PIK3R1: variants seen among roughly 807,000 people sequenced by gnomAD.
PIK3R1 encodes phosphatidylinositol 3-kinase regulatory subunit alpha.
A neutral mutation model predicts 98.0 loss-of-function variants in PIK3R1; 29 were observed. That is an observed-to-expected ratio of 0.30 (90% CI 0.22 to 0.40). PIK3R1 has a LOEUF of 0.40. Ranked by LOEUF, PIK3R1 falls within the 10% of genes least tolerant of loss-of-function variation. PIK3R1 has a pLI of 1.00. For synonymous variants in PIK3R1, 282 were observed against 311.8 expected (o/e 0.90, Z 1.01); for missense variants, 596 against 872.7 (o/e 0.68, Z 3.99).
At chr5:68,239,746 G>A (rs943240933) in intron 2 of PIK3R1, among the ~76,000 whole-genome samples, 1 of 152,178 alleles carries the variant, frequency 6.6e-6, no homozygotes, top group Non-Finnish European at 1.5e-5. Flanking sequence ...AAGGCACCCC[G>A]GAGCCAAAGG....
At chr5:68,262,278 T>G (rs1383454508) in intron 2 of PIK3R1, among the ~76,000 whole-genome samples, 2 of 151,538 alleles carry the variant, frequency 1.3e-5, no homozygotes, top group Non-Finnish European at 2.9e-5. Flanking sequence ...TGCTGACTCT[T>G]AAGCAATTAT....
chr5:68,285,527 G>T (rs1206948445), intron 7 of PIK3R1, among the ~76,000 whole-genome samples: 1 of 152,174 alleles, frequency 6.6e-6, no homozygotes, highest in Non-Finnish European at 1.5e-5. Flanking sequence ...AGAACTAAAC[G>T]GGCAAGCCAC....
intron 2 of PIK3R1, among the ~76,000 whole-genome samples, chr5:68,256,739 G>C (rs1185782483): frequency 6.6e-6 from 1 of 151,046 alleles, no homozygotes; most frequent in Non-Finnish European, 1.5e-5. Context: ...AGATAATGGA[G>C]AACAAAAAAT....
chr5:68,228,042 A>G (rs900267832), intron 2 of PIK3R1, among the ~76,000 whole-genome samples: 4 of 151,996 alleles, frequency 2.6e-5, no homozygotes, highest in African/African-American at 7.3e-5. Flanking sequence ...AATCACACGC[A>G]TTTTTCTTTT....
chr5:68,273,874 G>A, intron 3 of PIK3R1, 65 bp from the exon 4 acceptor site: 1 of 1,219,242 alleles, frequency 8.2e-7, no homozygotes, highest in Non-Finnish European at 1.2e-6. Context: ...TCTGGCAGCA[G>A]CCTCACAGGT....
intron 2 of PIK3R1, among the ~76,000 whole-genome samples, chr5:68,237,244 A>G (rs1430762442): frequency 6.6e-6 from 1 of 152,236 alleles, no homozygotes; most frequent in Non-Finnish European, 1.5e-5. Context: ...AGAAACCTGA[A>G]GTTGATTCAG....
intron 2 of PIK3R1, among the ~76,000 whole-genome samples, chr5:68,272,252 CAAAA>C (rs36123886): frequency 4.3e-5 from 2 of 46,868 alleles, no homozygotes; most frequent in Non-Finnish European, 4.6e-5. Flanking sequence ...GACCCTGTCT[CAAAA>C]AAAAAAAAAA....
At chr5:68,236,891 C>T (rs967410610) in intron 2 of PIK3R1, among the ~76,000 whole-genome samples, 7 of 152,126 alleles carry the variant, frequency 4.6e-5, no homozygotes, top group Non-Finnish European at 8.8e-5. Context: ...TACAAAGAGA[C>T]GGATAAGGCC....
chr5:68,287,957 T>TA (rs1429568938), intron 7 of PIK3R1, among the ~76,000 whole-genome samples: 5 of 152,198 alleles, frequency 3.3e-5, no homozygotes, highest in Admixed American at 6.5e-5. Flanking sequence ...GCTTTCCTGT[T>TA]ACACCTGCAG....
At chr5:68,268,286 C>T (rs1746202986) in intron 2 of PIK3R1, among the ~76,000 whole-genome samples, 1 of 152,018 alleles carries the variant, frequency 6.6e-6, no homozygotes. Context: ...AGATGTGTCC[C>T]AAAATTAAGG....
chr5:68,277,099 C>T (rs1746606823), intron 4 of PIK3R1, among the ~76,000 whole-genome samples: 1 of 152,200 alleles, frequency 6.6e-6, no homozygotes, highest in African/African-American at 2.4e-5. Flanking sequence ...TATACTGCAT[C>T]ACCAAATGTT....
At chr5:68,262,526 ATAGC>A (rs960457236) in intron 2 of PIK3R1, among the ~76,000 whole-genome samples, 12 of 76,672 alleles carry the variant, frequency 1.6e-4, no homozygotes, top group African/African-American at 4.5e-4. Context: ...ATATAGATAC[ATAGC>A]TATATAGATA....
chr5:68,295,885 G>A (rs966019658), intron 14 of PIK3R1: 9 of 470,536 alleles, frequency 1.9e-5, no homozygotes, highest in African/African-American at 1.2e-4. Flanking sequence ...CTGGATAAAC[G>A]AGATTGTTTT....
chr5:68,256,440 C>T (rs986045693), intron 2 of PIK3R1, among the ~76,000 whole-genome samples: 2 of 152,094 alleles, frequency 1.3e-5, no homozygotes. Context: ...CCGTGTTCAC[C>T]AGGAGGGTCT....
At chr5:68,246,166 G>C (rs1411635165) in intron 2 of PIK3R1, among the ~76,000 whole-genome samples, 2 of 152,214 alleles carry the variant, frequency 1.3e-5, no homozygotes, top group Non-Finnish European at 2.9e-5. Flanking sequence ...TACAAGTTTG[G>C]TTGTGAGCCA....
chr5:68,235,275 T>C (rs188598806), intron 2 of PIK3R1, among the ~76,000 whole-genome samples: 28 of 152,070 alleles, frequency 1.8e-4, no homozygotes, highest in African/African-American at 6.5e-4. Flanking sequence ...TGATGGTGCA[T>C]GCCTGTAATC....
chr5:68,262,035 A>G (rs930445136), intron 2 of PIK3R1, among the ~76,000 whole-genome samples: 1 of 152,174 alleles, frequency 6.6e-6, no homozygotes, highest in African/African-American at 2.4e-5. Context: ...CCTCTGGGCC[A>G]TCCACCAGCC....
At chr5:68,288,590 C>T in intron 7 of PIK3R1, 1 of 1,537,314 alleles carries the variant, frequency 6.5e-7, no homozygotes, top group Non-Finnish European at 8.7e-7. Context: ...CTCCTGCGCG[C>T]ACTCTCGGCG....
At chr5:68,282,838 A>C (rs777336954) in intron 7 of PIK3R1, among the ~76,000 whole-genome samples, 5 of 152,230 alleles carry the variant, frequency 3.3e-5, no homozygotes, top group Non-Finnish European at 7.3e-5. Context: ...TCTTAAAAAA[A>C]ATTAAATCCA....
Sources: gnomAD v4.1 joint callset for allele counts (sites outside exome capture counted in the v4.1 genomes callset) on GRCh38, gnomAD v4.1.1 for gene constraint, MANE v1.5 for transcripts, NCBI Gene and HGNC (gene_info 2026-07-23, HGNC 2026-07-21) for gene names.